Variants in NBEAL2 observed in about 807,000 individuals in gnomAD.
NBEAL2 encodes the protein neurobeachin like 2, also known as neurobeachin-like protein 2.
NBEAL2 carries 160 observed loss-of-function variants against 299.8 expected under a neutral mutation model. The ratio of observed to expected loss-of-function variants is 0.53; its 90% confidence interval spans 0.47 to 0.61. NBEAL2 has a LOEUF of 0.61. Ranked by LOEUF, NBEAL2 falls within the 20% of genes least tolerant of loss-of-function variation. The pLI is 0.00. For synonymous variants in NBEAL2, 1,493 were observed against 1,542.3 expected (o/e 0.97, Z 0.75); for missense variants, 3,112 against 3,649.0 (o/e 0.85, Z 3.79).
rs368325716 is a variant in NBEAL2 at position 46,998,575 on chromosome 3, G to T, written c.3221+10G>T. The T allele has an allele frequency of 1.9e-5, 31 of 1,606,154 alleles. No individual in the cohort carries two copies. Among genetic ancestry groups the T allele is most frequent in the Non-Finnish European group, 2.6e-5 (31 of 1,176,558 alleles). On this transcript the variant is annotated intron_variant, in intron 22 of 53. Coordinates refer to ENST00000450053, the MANE Select transcript of NBEAL2 (RefSeq NM_015175.3). ...TGCGCACCCACTACAGGTGAGGCCA[G>T]TGGGGCCAGATGGGCCATGGGGGGC...
rs202064417 is a variant in NBEAL2 at position 46,997,311 on chromosome 3, G to A, written c.2702G>A (p.Arg901Gln). The A allele has an allele frequency of 5.8e-5, 94 of 1,612,866 alleles. No individual in the cohort carries two copies. The highest frequency in any genetic ancestry group is 4.1e-4 in the African/African-American group (31 of 74,908). The change falls in exon 19 of 54, where the codon CGA (arginine) becomes CAA (glutamine). Residue 901 changes from arginine to glutamine, a missense_variant. Arg to Gln is a conservative substitution (Grantham distance 43). Coordinates refer to ENST00000450053, the MANE Select transcript of NBEAL2 (RefSeq NM_015175.3). Reference sequence around the variant, plus strand: ...GGTGCCCTGCTGCCCCTGCTGGAGCGAGTAGCTGCACAGCCCAAAGAGGCT... The same window carrying A: ...GGTGCCCTGCTGCCCCTGCTGGAGCAAGTAGCTGCACAGCCCAAAGAGGCT... ...GMGALLPLLE[R>Q]VAAQPKEAEA...
chr3:46,984,220 G>C (rs1297469501), intron 1 of NBEAL2, among the ~76,000 whole-genome samples: 1 of 152,052 alleles, frequency 6.6e-6, no homozygotes, highest in Non-Finnish European at 1.5e-5. Context: ...GCAGGAGAAT[G>C]GTGTGAACCT....
rs557759027 is a variant in NBEAL2 at position 46,997,150 on chromosome 3, A to T, written c.2649+104A>T. 627 of 1,557,790 alleles carry T rather than the reference A, an allele frequency of 4.0e-4. 4 individuals carry two copies. The African/African-American group carries it at 5.4e-3, about 14-fold the overall frequency. ...AGCGCTGTGCCTGGGGAGGATTTGG[A>T]CAGTCCAGCTCAAGAGAGCAAAACT... On this transcript the variant is annotated intron_variant, in intron 18 of 53. Coordinates refer to ENST00000450053, the MANE Select transcript of NBEAL2 (RefSeq NM_015175.3).
At chr3:46,984,550 A>G (rs1037519363) in intron 1 of NBEAL2, among the ~76,000 whole-genome samples, 4 of 152,166 alleles carry the variant, frequency 2.6e-5, no homozygotes, top group Admixed American at 1.3e-4. Flanking sequence ...AGTCCTGGTG[A>G]TGTAGCCAGA....
In NBEAL2 at chr3:47,003,081, G is replaced by C; in HGVS notation, c.5584G>C (p.Gly1862Arg). Reference protein sequence around the residue: ...LEASALRDNLGEVPLTPTEEA... With the variant: ...LEASALRDNLREVPLTPTEEA... Reference sequence around the variant, plus strand: ...AGCCAGCGCTCTCCGAGACAATCTGGGTGAGGGAGTGTGCTGAGATGGGTC... The same window carrying C: ...AGCCAGCGCTCTCCGAGACAATCTGCGTGAGGGAGTGTGCTGAGATGGGTC... Residue 1862 changes from glycine to arginine, a missense_variant and splice_region_variant, in exon 34 of 54, where the codon GGT (glycine) becomes CGT (arginine). Physicochemically the swap from Gly to Arg is moderately radical, Grantham distance 125. This residue lies in a region of NBEAL2 where 2,243 missense variants were observed against 2,538.1 expected (regional missense o/e 0.88). Coordinates refer to ENST00000450053, the MANE Select transcript of NBEAL2 (RefSeq NM_015175.3). This position sits in a 1 kb window ranked among gnomAD's most constrained non-coding sequence, Gnocchi z 7.0. The C allele has an allele frequency of 1.2e-6, 2 of 1,612,238 alleles. No homozygotes were observed. The highest frequency in any genetic ancestry group is 1.7e-6 in the Non-Finnish European group (2 of 1,179,312).
chr3:46,994,493 G>A lies in NBEAL2; in HGVS notation c.1236G>A (p.Gln412=), dbSNP rs1421069724. The A allele has an allele frequency of 6.3e-7, 1 of 1,596,422 alleles. No homozygotes were observed. The change falls in exon 12 of 54, where the codon CAG becomes CAA. Residue 412 remains glutamine, a synonymous_variant. Transcript: ENST00000450053. ...FKERIGYPHL[Q]EVLQSHGPPT... ...AGCGCATCGGCTACCCTCACCTGCA[G>A]GAGGTTCTGCAGAGCCATGGTCCCC...
At position 46,999,937 on chromosome 3, in the gene NBEAL2, C is replaced by T. The variant is rs779600702; in HGVS notation, c.3838C>T (p.Arg1280Ter). The change falls in exon 27 of 54, where the codon CGA becomes TGA. Residue 1280 changes from arginine (R) to a stop codon, truncating the protein, a stop_gained. Transcript: ENST00000450053. LOFTEE classifies it high-confidence loss of function. ...GCCAGATGTAGTGCGGCTTCTGGCCCGACAGGCTGGCTGGCAAGATGTGCT... is the reference window on the plus strand; with the variant it reads ...GCCAGATGTAGTGCGGCTTCTGGCCTGACAGGCTGGCTGGCAAGATGTGCT... ...GQPDVVRLLA[R>*]QAGWQDVLTR... 1.9e-6 allele frequency: 3 copies of T among 1,611,548 alleles called. No homozygotes were observed. The highest frequency in any genetic ancestry group is 1.1e-5 in the South Asian group (1 of 91,046).
At position 46,991,211 on chromosome 3, in the gene NBEAL2, C is replaced by A. The variant is rs762585107; in HGVS notation, c.557-8C>A. ...GTGACATTACCCTGCCCACACCCCC[C>A]TACCCAGAGAGCCTACAGAATGCAG... is the stretch of plus-strand genomic sequence containing the variant. On this transcript the variant is annotated splice_polypyrimidine_tract_variant and splice_region_variant and intron_variant, in intron 6 of 53. Transcript: ENST00000450053. This position sits in a 1 kb window ranked among gnomAD's most constrained non-coding sequence, Gnocchi z 6.2. The A allele has an allele frequency of 6.2e-7, 1 of 1,600,550 alleles. No individual in the cohort carries two copies. The highest frequency in any genetic ancestry group is 8.5e-7 in the Non-Finnish European group (1 of 1,173,024).
intron 10 of NBEAL2, among the ~76,000 whole-genome samples, chr3:46,993,219 C>T (rs928065597): frequency 6.6e-6 from 1 of 152,234 alleles, no homozygotes; most frequent in Non-Finnish European, 1.5e-5. Context: ...TCTGTTTTTA[C>T]AGATGAGGAC....
At position 46,991,286 on chromosome 3, in the gene NBEAL2, C is replaced by T. The variant is rs748590749; in HGVS notation, c.624C>T (p.Ala208=). The change falls in exon 7 of 54, where the codon GCC becomes GCT. Residue 208 remains alanine, a synonymous_variant. Coordinates refer to ENST00000450053, the MANE Select transcript of NBEAL2 (RefSeq NM_015175.3). This position sits in a 1 kb window ranked among gnomAD's most constrained non-coding sequence, Gnocchi z 6.2. ...TACGTCTCATCCACCTCTTCTGCGC[C>T]GTCCTCGCTGGAGGAAAGGTAGGCT... ...LLLRLIHLFC[A]VLAGGKENGQ... is the part of the protein sequence containing the mutation. 12 of 1,604,454 alleles carry T rather than the reference C, an allele frequency of 7.5e-6. No homozygotes were observed. The highest frequency in any genetic ancestry group is 3.4e-5 in the Admixed American group (2 of 58,768).
intron 50 of NBEAL2, 46 bp downstream of exon 50, chr3:47,008,232 T>C (rs763241419): frequency 5.0e-6 from 8 of 1,612,692 alleles, no homozygotes; most frequent in Non-Finnish European, 6.8e-6. Context: ...TCCTGGGCAA[T>C]CCCCCTGGAG....
chr3:46,996,724 G>A (rs1365417704), intron 16 of NBEAL2, 27 bp from the exon 17 acceptor site: 2 of 1,606,198 alleles, frequency 1.2e-6, no homozygotes, highest in Middle Eastern at 1.7e-4. Context: ...GCCTAGCAAG[G>A]TCTGAAGCCC....
At chr3:46,985,122 A>G (rs1001250282) in intron 1 of NBEAL2, among the ~76,000 whole-genome samples, 103 of 152,294 alleles carry the variant, frequency 6.8e-4, no homozygotes, top group African/African-American at 2.4e-3. Context: ...CAGAGCAAAC[A>G]AGAGCAAAGC....
rs1575593306 is a variant in NBEAL2, at chr3:46,991,806, T to G, written c.926-34T>G. The G allele has an allele frequency of 4.5e-6, 7 of 1,570,228 alleles. No homozygotes were observed. In the Middle Eastern group the frequency reaches 6.6e-4, roughly 149 times the overall value. On this transcript the variant is annotated intron_variant, in intron 8 of 53. Transcript: ENST00000450053. This position sits in a 1 kb window ranked among gnomAD's most constrained non-coding sequence, Gnocchi z 6.2. ...GAAGGCTTAAGGCTGCCTAGAGGGG[T>G]CTGGGCAGGGCCTGACCCTTGACCC...
chr3:46,998,755 G>C lies in NBEAL2; in HGVS notation c.3260G>C (p.Arg1087Pro). The C allele has an allele frequency of 6.3e-7, 1 of 1,581,166 alleles. No individual in the cohort carries two copies. Among genetic ancestry groups the C allele is most frequent in the Non-Finnish European group, 8.6e-7 (1 of 1,163,760 alleles). ...RERPLAADDL[R>P]TVQTSLLGLA... The stretch of plus-strand genomic sequence containing the variant: ...CGCCCCCTGGCTGCTGACGACCTAC[G>C]CACCGTGCAGACCTCCCTCCTGGGC... The change falls in exon 23 of 54, where the codon CGC (arginine) becomes CCC (proline). Residue 1087 changes from arginine to proline, a missense_variant. Around this residue, in one of 3 missense-constraint regions of NBEAL2, gnomAD observed 2,243 missense variants for 2,538.1 expected, o/e 0.88. Coordinates refer to ENST00000450053, the MANE Select transcript of NBEAL2 (RefSeq NM_015175.3).
intron 1 of NBEAL2, chr3:46,987,927 T>TC: frequency 8.6e-7 from 1 of 1,166,424 alleles, no homozygotes; most frequent in South Asian, 1.4e-5. Flanking sequence ...GCGGTCCCCC[T>TC]CCCCCACCGT....
intron 24 of NBEAL2, 91 bp from the exon 25 acceptor site, chr3:46,999,224 G>A: frequency 6.5e-7 from 1 of 1,540,364 alleles, no homozygotes; most frequent in African/African-American, 1.4e-5. Flanking sequence ...CTGCCTTCAA[G>A]GGCCTCTTGA....
Position 47,000,360 on chromosome 3 carries a change from C to T in NBEAL2, c.4261C>T (p.Pro1421Ser), listed in dbSNP as rs747629800. ...NVLEDGSLPE[P>S]TISGDDTSNT... ...GCTGGAGGACGGCAGCCTCCCGGAGCCCACCATTAGCGGGGATGATACCTC... is the reference window on the plus strand; with the variant it reads ...GCTGGAGGACGGCAGCCTCCCGGAGTCCACCATTAGCGGGGATGATACCTC... The change falls in exon 27 of 54, where the codon CCC becomes TCC. Residue 1421 changes from proline (P) to serine (S), a missense_variant. Physicochemically the swap from Pro to Ser is moderately conservative, Grantham distance 74 (BLOSUM62 -1). Transcript: ENST00000450053. This position sits in a 1 kb window ranked among gnomAD's most constrained non-coding sequence, Gnocchi z 4.5. 4 of 1,596,242 alleles carry T rather than the reference C, an allele frequency of 2.5e-6. No individual in the cohort carries two copies. The highest frequency in any genetic ancestry group is 3.4e-5 in the Admixed American group (2 of 59,380).
chr3:46,988,117 A>G lies in NBEAL2; in HGVS notation c.52-552A>G. The G allele has an allele frequency of 8.6e-7, 1 of 1,162,144 alleles. No individual in the cohort carries two copies. The highest frequency in any genetic ancestry group is 1.1e-6 in the Non-Finnish European group (1 of 915,600). 72.0% of individuals were successfully genotyped at this position (1,162,144 alleles called of 1,614,324 possible). On this transcript the variant is annotated intron_variant, in intron 1 of 53. Coordinates refer to ENST00000450053, the MANE Select transcript of NBEAL2 (RefSeq NM_015175.3). The surrounding 1 kb of genome is among the most constrained non-coding windows in gnomAD (Gnocchi z 4.4). ...TGGGTGGAGGTTCCCGGGGCAAGGCAGGGCCGCACATGAGGATGTGCGCAT... is the reference window on the plus strand; with the variant it reads ...TGGGTGGAGGTTCCCGGGGCAAGGCGGGGCCGCACATGAGGATGTGCGCAT...
Sources: allele counts gnomAD v4.1 joint callset (sites outside exome capture counted in the v4.1 genomes callset), GRCh38; gene constraint gnomAD v4.1.1; regional missense constraint gnomAD v4.1.1; non-coding constraint Gnocchi (gnomAD v3.1); transcripts MANE v1.5; gene names NCBI Gene and HGNC (gene_info 2026-07-23, HGNC 2026-07-21).